Variants in PHIP observed in about 807,000 individuals in gnomAD.
PHIP encodes the protein PHIP subunit of CUL4-Ring ligase complex, also known as PH-interacting protein.
Under a neutral mutation model 236.8 loss-of-function variants are expected in PHIP, and 54 were observed. That is an observed-to-expected ratio of 0.23 (90% confidence interval 0.18 to 0.29). The LOEUF (loss-of-function observed/expected upper bound fraction) is 0.29, where lower values mean the gene tolerates loss of function less well. PHIP is among the 10% of genes least tolerant of loss of function. The pLI is 1.00. For missense variants in PHIP, 1,370 were observed against 2,190.8 expected (o/e 0.63, Z 7.48); for synonymous variants, 756 against 718.9 (o/e 1.05, Z -0.83).
chr6:78,967,022 C>T (rs1222635099), intron 27 of PHIP, among the ~76,000 whole-genome samples: 1 of 152,138 alleles, frequency 6.6e-6, no homozygotes, highest in East Asian at 1.9e-4. Context: ...TTTTGACACA[C>T]AGTTAAGTTA....
chr6:78,995,711 T>C (rs1169596996), intron 19 of PHIP, among the ~76,000 whole-genome samples: 1 of 152,244 alleles, frequency 6.6e-6, no homozygotes, highest in Non-Finnish European at 1.5e-5. Context: ...ATTCTCCGGT[T>C]GGATTCTGTT....
intron 24 of PHIP, among the ~76,000 whole-genome samples, chr6:78,976,194 A>G (rs1167296159): frequency 6.7e-6 from 1 of 149,656 alleles, no homozygotes; most frequent in African/African-American, 2.4e-5. Context: ...TCAATGGAAC[A>G]GAACAGAGCC....
intron 39 of PHIP, among the ~76,000 whole-genome samples, chr6:78,944,433 A>T (rs911410637): frequency 6.6e-6 from 1 of 152,226 alleles, no homozygotes; most frequent in Non-Finnish European, 1.5e-5. Flanking sequence ...CAGGAAGACC[A>T]GTTAGGAAAC....
intron 9 of PHIP, among the ~76,000 whole-genome samples, chr6:79,021,066 C>T (rs1030829355): frequency 6.6e-6 from 1 of 152,146 alleles, no homozygotes; most frequent in African/African-American, 2.4e-5. Context: ...TTTGTCATTG[C>T]TAATGTTACT....
At chr6:78,998,644 AT>A (rs1396826847) in intron 17 of PHIP, among the ~76,000 whole-genome samples, 19 of 152,156 alleles carry the variant, frequency 1.2e-4, no homozygotes, top group Admixed American at 4.6e-4. Flanking sequence ...GATACTCATA[AT>A]CCGTATGGTA....
intron 17 of PHIP, among the ~76,000 whole-genome samples, chr6:79,000,607 T>C (rs1229755319): frequency 2.0e-5 from 3 of 152,096 alleles, no homozygotes; most frequent in African/African-American, 7.2e-5. Flanking sequence ...AAAGTAGCTA[T>C]CTATTTTGAG....
At chr6:79,052,408 G>C (rs1407918061) in intron 6 of PHIP, among the ~76,000 whole-genome samples, 1 of 152,184 alleles carries the variant, frequency 6.6e-6, no homozygotes, top group East Asian at 1.9e-4. Context: ...CAAGAGAAGA[G>C]ACTGAGAAGG....
At chr6:79,072,700 T>C (rs1326012505) in intron 4 of PHIP, among the ~76,000 whole-genome samples, 2 of 152,048 alleles carry the variant, frequency 1.3e-5, no homozygotes, top group Non-Finnish European at 1.5e-5. Context: ...TTGTCCAGGC[T>C]GGTCTCCAAC....
chr6:79,069,721 G>C (rs978475864), intron 4 of PHIP, among the ~76,000 whole-genome samples: 16 of 151,806 alleles, frequency 1.1e-4, no homozygotes, highest in Admixed American at 2.0e-4. Context: ...CCTCTAACCT[G>C]GGTAACTATT....
chr6:79,027,962 A>G (rs1771489626), intron 7 of PHIP, among the ~76,000 whole-genome samples: 1 of 152,148 alleles, frequency 6.6e-6, no homozygotes, highest in Non-Finnish European at 1.5e-5. Context: ...ACAGTGTCTG[A>G]CACATGGTTA....
chr6:79,042,978 C>G lies in PHIP; in HGVS notation c.465G>C (p.Leu155=), dbSNP rs1381324800. Residue 155 remains leucine, a synonymous_variant, in exon 7 of 40, where the codon CTG becomes CTC. Transcript: ENST00000275034. ...SIADTLFSRK[L]NGKYRLERLV... Reference sequence around the variant, plus strand: ...GTCGCTCAAGTCTGTATTTCCCATTCAGCTTCCTTGAAAACAGAGTATCCG... The same window carrying G: ...GTCGCTCAAGTCTGTATTTCCCATTGAGCTTCCTTGAAAACAGAGTATCCG... 2 of 1,609,458 alleles carry G rather than the reference C, an allele frequency of 1.2e-6. No individual in the cohort carries two copies. Among genetic ancestry groups the G allele is most frequent in the Non-Finnish European group, 1.7e-6 (2 of 1,178,210 alleles).
In PHIP at chr6:78,949,174, G is replaced by A. The variant is rs138768420; in HGVS notation, c.4054-1399C>T. ...GTTGTGGAAGTTTTCCTTTGTTCCC[G>A]GTTTTCTTAGGGGTTTTATAATGAA... On this transcript the variant is annotated intron_variant, in intron 35 of 39. Transcript: ENST00000275034. Among the ~76,000 whole-genome samples, 103 of 152,052 alleles carry A rather than the reference G, an allele frequency of 6.8e-4. 1 individual carries two copies. The South Asian group carries it at 8.1e-3, about 12-fold the overall frequency.
intron 7 of PHIP, among the ~76,000 whole-genome samples, chr6:79,040,364 G>C (rs1407090812): frequency 1.3e-5 from 2 of 152,010 alleles, no homozygotes; most frequent in African/African-American, 4.8e-5. Flanking sequence ...TGTTCAGAAA[G>C]GACTCAAGAG....
At chr6:79,060,237 T>C (rs1773306894) in intron 6 of PHIP, among the ~76,000 whole-genome samples, 1 of 152,214 alleles carries the variant, frequency 6.6e-6, no homozygotes, top group South Asian at 2.1e-4. Flanking sequence ...GGAACTTTCG[T>C]AAAAATAAAA....
chr6:79,077,680 C>G lies in PHIP; in HGVS notation c.129+20G>C, dbSNP rs1774251268. 5.1e-6 allele frequency: 5 copies of G among 985,932 alleles called. No individual in the cohort carries two copies. Among genetic ancestry groups the G allele is most frequent in the Non-Finnish European group, 6.0e-6 (5 of 833,092 alleles). 61.1% of individuals were successfully genotyped at this position (985,932 alleles called of 1,614,324 possible). On this transcript the variant is annotated intron_variant, in intron 3 of 39. Transcript: ENST00000275034. ...GCGGCCGCGCGGCGGCGGGACGCGCCGGGCCGCCGCCGCCCTTACCTCCTT... is the reference window on the plus strand; with the variant it reads ...GCGGCCGCGCGGCGGCGGGACGCGCGGGGCCGCCGCCGCCCTTACCTCCTT...
intron 4 of PHIP, among the ~76,000 whole-genome samples, chr6:79,064,821 A>G (rs1280737293): frequency 6.6e-6 from 1 of 152,164 alleles, no homozygotes; most frequent in African/African-American, 2.4e-5. Flanking sequence ...TATAACAATG[A>G]TTGCCAAATT....
intron 6 of PHIP, among the ~76,000 whole-genome samples, chr6:79,046,285 C>T (rs1260102759): frequency 6.6e-6 from 1 of 152,114 alleles, no homozygotes; most frequent in African/African-American, 2.4e-5. Flanking sequence ...CAAGTCTTTT[C>T]TCAGATGTCT....
intron 21 of PHIP, 42 bp downstream of exon 21, chr6:78,988,167 A>G: frequency 2.2e-6 from 3 of 1,386,650 alleles, no homozygotes; most frequent in Non-Finnish European, 2.9e-6. Flanking sequence ...TAAAAAAATA[A>G]GTAAAAATGA....
At position 78,982,987 on chromosome 6, in the gene PHIP, G is replaced by C. The variant is rs961624298; in HGVS notation, c.2668C>G (p.Gln890Glu). The C allele has an allele frequency of 2.5e-6, 4 of 1,607,520 alleles. No homozygotes were observed. The African/African-American group carries it at 5.4e-5, about 22-fold the overall frequency. Residue 890 changes from glutamine to glutamate, a missense_variant, in exon 23 of 40, where the codon CAG becomes GAG. Gln to Glu is a conservative substitution (Grantham distance 29, BLOSUM62 2). Around this residue, in one of 14 missense-constraint regions of PHIP, gnomAD observed 76 missense variants for 76.4 expected, o/e 0.99. Coordinates refer to ENST00000275034, the MANE Select transcript of PHIP (RefSeq NM_017934.7). ...SSDEEEESEK[Q>E]KQKQIKKEKK... Reference sequence around the variant, plus strand: ...TCCTTTTTAATCTGTTTTTGCTTCTGTTTTTCAGATTCTTCTTCTTCATCT... The same window carrying C: ...TCCTTTTTAATCTGTTTTTGCTTCTCTTTTTCAGATTCTTCTTCTTCATCT...
Sources: allele counts gnomAD v4.1 joint callset (sites outside exome capture counted in the v4.1 genomes callset), GRCh38; gene constraint gnomAD v4.1.1; regional missense constraint gnomAD v4.1.1; transcripts MANE v1.5; gene names NCBI Gene and HGNC (gene_info 2026-07-23, HGNC 2026-07-21).